Variants in ASIC2 observed in about 807,000 individuals in gnomAD.
ASIC2 encodes acid sensing ion channel subunit 2.
In ASIC2, 25 loss-of-function variants were observed where a neutral mutation model predicts 57.3. The observed-to-expected ratio is 0.44, with a 90% confidence interval of 0.32 to 0.61. The LOEUF (loss-of-function observed/expected upper bound fraction) is 0.61. Ranked by LOEUF, ASIC2 falls within the 20% of genes least tolerant of loss-of-function variation. The pLI, the probability that ASIC2 is intolerant of heterozygous loss-of-function variation, is 0.06. For missense variants in ASIC2, 641 were observed against 738.1 expected, an observed-to-expected ratio of 0.87 and a Z score of 1.52; for synonymous variants, 319 against 307.5, an observed-to-expected ratio of 1.04 and a Z score of -0.39.
chr17:33,537,822 A>G (rs904780011), intron 1 of ASIC2, among the ~76,000 whole-genome samples: 1 of 152,196 alleles, frequency 6.6e-6, no homozygotes, highest in African/African-American at 2.4e-5. Context: ...GCCGAGCCTC[A>G]GGTCAGTATC....
At position 33,610,052 on chromosome 17, in the gene ASIC2, G is replaced by GCACACACA. The variant is rs1491226445; in HGVS notation, c.556-497986_556-497985insTGTGTGTG. Among the ~76,000 whole-genome samples the GCACACACA allele has an allele frequency of 7.5e-3, 722 of 95,742 alleles. 13 individuals are homozygous for GCACACACA. The highest frequency in any genetic ancestry group is 0.036 in the African/African-American group (672 of 18,516). The allele number at this position is 95,742 out of a possible 152,430, so 62.8% of individuals were successfully genotyped here. A position where few individuals can be genotyped will look rare whatever the true frequency, so the allele number is the denominator to read the frequency against. ...CTCTTCACTGGGACCCTGGACAGAG[G>GCACACACA]CGCACACACACACACACACACACAC... On this transcript the variant is annotated intron_variant, in intron 1 of 9. Coordinates refer to the ASIC2 transcript ENST00000359872.
chr17:33,128,866 C>G (rs2092334613), intron 1 of ASIC2, among the ~76,000 whole-genome samples: 1 of 152,192 alleles, frequency 6.6e-6, no homozygotes, highest in African/African-American at 2.4e-5. Flanking sequence ...AGTATCTGCC[C>G]TTATTCCAGG....
intron 1 of ASIC2, among the ~76,000 whole-genome samples, chr17:34,155,039 C>T (rs1391715676): frequency 6.6e-6 from 1 of 152,080 alleles, no homozygotes; most frequent in Admixed American, 6.5e-5. Context: ...TGAACGTAAG[C>T]CACATCCCCC....
At chr17:33,316,810 T>C (rs1368528764) in intron 1 of ASIC2, among the ~76,000 whole-genome samples, 1 of 152,148 alleles carries the variant, frequency 6.6e-6, no homozygotes, top group Non-Finnish European at 1.5e-5. Flanking sequence ...TAAGCCCAGG[T>C]TAATTAAAAT....
intron 3 of ASIC2, among the ~76,000 whole-genome samples, chr17:33,076,928 T>A (rs975079748): frequency 6.6e-6 from 1 of 152,200 alleles, no homozygotes; most frequent in Admixed American, 6.5e-5. Context: ...AGTATGTATT[T>A]CTTTAGGGCA....
intron 1 of ASIC2, among the ~76,000 whole-genome samples, chr17:33,703,718 G>A (rs140829998): frequency 6.8e-4 from 104 of 152,184 alleles, no homozygotes; most frequent in Non-Finnish European, 1.2e-3. Context: ...TACATTCAGG[G>A]GAGAGAACCT....
At chr17:34,095,909 T>C (rs1230972683) in intron 1 of ASIC2, among the ~76,000 whole-genome samples, 1 of 151,874 alleles carries the variant, frequency 6.6e-6, no homozygotes, top group Non-Finnish European at 1.5e-5. Flanking sequence ...GCCTATATTA[T>C]TTCAATCAAC....
At chr17:33,415,308 C>A (rs35962794) in intron 1 of ASIC2, among the ~76,000 whole-genome samples, 40,360 of 152,116 alleles carry the variant, frequency 0.27, 6,729 homozygotes, top group Non-Finnish European at 0.36. Flanking sequence ...ATGTAACCTA[C>A]ACATATCCTC....
intron 1 of ASIC2, among the ~76,000 whole-genome samples, chr17:33,390,253 CA>C (rs1909842316): frequency 1.3e-5 from 2 of 152,092 alleles, no homozygotes; most frequent in Admixed American, 6.5e-5. Flanking sequence ...CCGGAGGTTG[CA>C]GTGAGCTGAG....
At chr17:33,359,669 A>G (rs1241632043) in intron 1 of ASIC2, among the ~76,000 whole-genome samples, 2 of 152,226 alleles carry the variant, frequency 1.3e-5, no homozygotes, top group East Asian at 1.9e-4. Flanking sequence ...CAAAAGAAAT[A>G]AGAGAAATCA....
intron 2 of ASIC2, among the ~76,000 whole-genome samples, chr17:33,107,728 A>T (rs1036863015): frequency 6.6e-6 from 1 of 151,770 alleles, no homozygotes; most frequent in Non-Finnish European, 1.5e-5. Flanking sequence ...TTGTTAACTT[A>T]CTCCTTGGTG....
At chr17:33,679,551 C>T (rs866937701) in intron 1 of ASIC2, among the ~76,000 whole-genome samples, 1 of 152,138 alleles carries the variant, frequency 6.6e-6, no homozygotes. Context: ...ATAGAGAGAA[C>T]CTTCTAGCTG....
chr17:33,756,042 T>C lies in ASIC2; in HGVS notation c.555+399936A>G, dbSNP rs942298578. ...ATGGTCAGTACACCCAGCCGGCAGC[T>C]CTGCTTCCCGTTTTCCCTGTAATTG... On this transcript the variant is annotated intron_variant, in intron 1 of 9. Transcript: ENST00000359872. 5.9e-5 allele frequency among the ~76,000 whole-genome samples: 9 copies of C among 152,354 alleles called. No homozygotes were observed. In the South Asian group the frequency reaches 1.9e-3, roughly 32 times the overall value.
chr17:33,302,684 TG>T (rs1222810536), intron 1 of ASIC2, among the ~76,000 whole-genome samples: 1 of 152,226 alleles, frequency 6.6e-6, no homozygotes, highest in Non-Finnish European at 1.5e-5. Context: ...TTATCTTCCC[TG>T]TCTACCCACA....
At chr17:33,045,359 A>G (rs1411026681) in intron 3 of ASIC2, among the ~76,000 whole-genome samples, 1 of 152,116 alleles carries the variant, frequency 6.6e-6, no homozygotes, top group Non-Finnish European at 1.5e-5. Context: ...TCGGGACACA[A>G]TTTCTTGGGC....
chr17:33,865,973 T>C (rs1186993578), intron 1 of ASIC2, among the ~76,000 whole-genome samples: 3 of 152,184 alleles, frequency 2.0e-5, no homozygotes, highest in Admixed American at 2.0e-4. Context: ...AAATTAATTT[T>C]GCCTAACTTT....
At chr17:33,553,906 A>T (rs189019808) in intron 1 of ASIC2, among the ~76,000 whole-genome samples, 3 of 152,316 alleles carry the variant, frequency 2.0e-5, no homozygotes, top group Non-Finnish European at 4.4e-5. Context: ...CCAGCAAAGA[A>T]CTTTGATTGT....
chr17:34,121,063 A>C (rs1203611915), intron 1 of ASIC2, among the ~76,000 whole-genome samples: 1 of 152,038 alleles, frequency 6.6e-6, no homozygotes, highest in Admixed American at 6.6e-5. Flanking sequence ...TCCTAATAAG[A>C]GGAGAAATAT....
intron 3 of ASIC2, among the ~76,000 whole-genome samples, chr17:33,088,321 C>T (rs532205673): frequency 6.6e-6 from 1 of 152,296 alleles, no homozygotes; most frequent in East Asian, 1.9e-4. Flanking sequence ...CCTGTCCTCC[C>T]TCCACCCACA....
Sources: allele counts gnomAD v4.1 joint callset (sites outside exome capture counted in the v4.1 genomes callset), GRCh38; gene constraint gnomAD v4.1.1; transcripts MANE v1.5; gene names NCBI Gene and HGNC (gene_info 2026-07-23, HGNC 2026-07-21).